SH3PXD2B: variants seen among roughly 807,000 people sequenced by gnomAD.
The protein encoded by SH3PXD2B is SH3 and PX domains 2B, also known as SH3 and PX domain-containing protein 2B.
A neutral mutation model predicts 73.1 loss-of-function variants in SH3PXD2B; 37 were observed. That is an observed-to-expected ratio of 0.51 (90% CI 0.39 to 0.67). The LOEUF (loss-of-function observed/expected upper bound fraction) is 0.67. Ranked by LOEUF, SH3PXD2B falls within the 30% of genes least tolerant of loss-of-function variation. The pLI, the probability that SH3PXD2B is intolerant of heterozygous loss-of-function variation, is 0.00. For missense variants in SH3PXD2B, 1,053 were observed against 1,197.8 expected (o/e 0.88, Z 1.78); for synonymous variants, 457 against 480.5 (o/e 0.95, Z 0.64).
At chr5:172,350,669 TGACAGGTCCCAGG>T (rs1226546486) in intron 9 of SH3PXD2B, 80 bp from the exon 10 acceptor site, 18 of 1,414,978 alleles carry the variant, frequency 1.3e-5, no homozygotes, top group Middle Eastern at 1.8e-4. Flanking sequence ...GGGAATCACA[TGACAGGTCCCAGG>T]GAGCAGGAAC....
rs759125971 is a variant in SH3PXD2B at position 172,339,602 on chromosome 5, G to T, written c.1503C>A (p.Asp501Glu). 5.0e-6 allele frequency: 8 copies of T among 1,614,120 alleles called. No individual in the cohort carries two copies. Among genetic ancestry groups the T allele is most frequent in the Non-Finnish European group, 6.8e-6 (8 of 1,180,048 alleles). Residue 501 changes from aspartate (D) to glutamate (E), a missense_variant, in exon 13 of 13, where the codon GAC becomes GAA. This residue lies in a region of SH3PXD2B where 587 missense variants were observed against 590.7 expected (regional missense o/e 0.99). Coordinates refer to ENST00000311601, the MANE Select transcript of SH3PXD2B (RefSeq NM_001017995.3). The surrounding 1 kb of genome is among the most constrained non-coding windows in gnomAD (Gnocchi z 6.1). ...CCTCGTAGCCTGCTGACGCAGACAT[G>T]TCTGAAGATGCCTTCCTCAGGACAT... ...SKDVLRKASS[D>E]MSASAGYEEI...
At chr5:172,425,501 T>C (rs567690019) in intron 1 of SH3PXD2B, among the ~76,000 whole-genome samples, 127 of 151,884 alleles carry the variant, frequency 8.4e-4, no homozygotes, top group African/African-American at 2.9e-3. Flanking sequence ...GGTCGAGAGC[T>C]GAGGAAAGGG....
In SH3PXD2B at chr5:172,337,815, G is replaced by A. The variant is rs969777280; in HGVS notation, c.*554C>T. On this transcript the variant is annotated 3_prime_UTR_variant, in exon 13 of 13. Transcript: ENST00000311601. ...AGGCCCACGGGCCTGAGGCTTTGGG[G>A]AAGGGGACACTTTCCCTGGAACTGG... 19 of 999,892 alleles carry A rather than the reference G, an allele frequency of 1.9e-5. No individual in the cohort carries two copies. In the African/African-American group the frequency reaches 3.3e-4, roughly 17 times the overall value. 61.9% of individuals were successfully genotyped at this position (999,892 alleles called of 1,614,324 possible). A position where few individuals can be genotyped will look rare whatever the true frequency, so the allele number is the denominator to read the frequency against.
chr5:172,366,840 G>C (rs1318268625), intron 6 of SH3PXD2B, among the ~76,000 whole-genome samples: 1 of 151,352 alleles, frequency 6.6e-6, no homozygotes. Flanking sequence ...CACCATGTTG[G>C]CAAGGGTGGT....
At position 172,406,270 on chromosome 5, in the gene SH3PXD2B, C is replaced by A. The variant is rs1758554699; in HGVS notation, c.232+7G>T. ...TGTCCCAGTCTGAGAGCACCCATCT[C>A]ACCTACCTGGCAGAAAGGGGATGAT... On this transcript the variant is annotated splice_region_variant and intron_variant, in intron 3 of 12. Transcript: ENST00000311601. 5.0e-6 allele frequency: 8 copies of A among 1,613,978 alleles called. No individual in the cohort carries two copies. Among genetic ancestry groups the A allele is most frequent in the Non-Finnish European group, 6.8e-6 (8 of 1,179,918 alleles).
chr5:172,353,984 T>A lies in SH3PXD2B; in HGVS notation c.689A>T (p.Tyr230Phe). ...ATCCTGGTCCCGAGCTGTGTACGGG[T>A]AGATGACTGTGTACTTCTCCTCTGT... is the stretch of plus-strand genomic sequence containing the variant. ...PEEEEKYTVI[Y>F]PYTARDQDEM... The change falls in exon 9 of 13, where the codon TAC becomes TTC. Residue 230 changes from tyrosine to phenylalanine, a missense_variant. Around this residue, in one of 2 missense-constraint regions of SH3PXD2B, gnomAD observed 466 missense variants for 607.1 expected, o/e 0.77. Coordinates refer to ENST00000311601, the MANE Select transcript of SH3PXD2B (RefSeq NM_001017995.3). This position sits in a 1 kb window ranked among gnomAD's most constrained non-coding sequence, Gnocchi z 4.3. 1 of 1,614,002 alleles carries A rather than the reference T, an allele frequency of 6.2e-7. No homozygotes were observed. The highest frequency in any genetic ancestry group is 1.1e-5 in the South Asian group (1 of 91,072).
rs558832958 is a variant in SH3PXD2B, at chr5:172,445,229, T to C, written c.75+9049A>G. ...GAGGTCTCAATCCCTGCTTTGTCTA[T>C]CCACATGTCATCTCTGTCGCCCAGG... On this transcript the variant is annotated intron_variant, in intron 1 of 12. Transcript: ENST00000311601. The surrounding 1 kb of genome is among the most constrained non-coding windows in gnomAD (Gnocchi z 5.2). Among the ~76,000 whole-genome samples the C allele has an allele frequency of 5.3e-5, 8 of 152,326 alleles. No individual in the cohort carries two copies. In the South Asian group the frequency reaches 1.2e-3, roughly 24 times the overall value.
chr5:172,406,251 A>G (rs754616312), intron 3 of SH3PXD2B, 26 bp downstream of exon 3: 1 of 1,612,952 alleles, frequency 6.2e-7, no homozygotes. Flanking sequence ...CCAGTGTCCC[A>G]GTCTGAGAGC....
chr5:172,434,050 C>T (rs921184071), intron 1 of SH3PXD2B, among the ~76,000 whole-genome samples: 9 of 151,832 alleles, frequency 5.9e-5, no homozygotes, highest in Non-Finnish European at 1.2e-4. Context: ...TGCTAACAAT[C>T]AATAGCAGAG....
At chr5:172,340,757 G>A (rs1177728928) in intron 12 of SH3PXD2B, among the ~76,000 whole-genome samples, 1 of 152,156 alleles carries the variant, frequency 6.6e-6, no homozygotes, top group African/African-American at 2.4e-5. Context: ...ACCACACCTG[G>A]CTAATTTTTG....
chr5:172,390,566 C>A (rs138623476), intron 4 of SH3PXD2B, among the ~76,000 whole-genome samples: 266 of 152,098 alleles, frequency 1.7e-3, no homozygotes, highest in African/African-American at 6.1e-3. Flanking sequence ...CCTTTTATTG[C>A]CAAATAAAAA....
chr5:172,367,198 A>G (rs1056962602), intron 6 of SH3PXD2B, among the ~76,000 whole-genome samples: 2 of 152,102 alleles, frequency 1.3e-5, no homozygotes, highest in African/African-American at 4.8e-5. Context: ...TCGGCCTCCC[A>G]AAGTGCTGGG....
chr5:172,373,069 T>A (rs1757741083), intron 6 of SH3PXD2B, among the ~76,000 whole-genome samples: 1 of 152,230 alleles, frequency 6.6e-6, no homozygotes, highest in Admixed American at 6.5e-5. Context: ...AGTTGTGTCA[T>A]CCAGGAAATG....
intron 5 of SH3PXD2B, among the ~76,000 whole-genome samples, chr5:172,374,285 C>A (rs1366741042): frequency 6.6e-6 from 1 of 152,174 alleles, no homozygotes; most frequent in Non-Finnish European, 1.5e-5. Flanking sequence ...GAACACAGTG[C>A]ACCTCCCAAG....
rs893420896 is a variant in SH3PXD2B at position 172,443,733 on chromosome 5, T to C, written c.75+10545A>G. On this transcript the variant is annotated intron_variant, in intron 1 of 12. Transcript: ENST00000311601. Reference sequence around the variant, plus strand: ...CACACCTTGGCTGAGGAGGAGGAAATGGTGACGCCAACGCGTGGGTTCTAG... The same window carrying C: ...CACACCTTGGCTGAGGAGGAGGAAACGGTGACGCCAACGCGTGGGTTCTAG... Among the ~76,000 whole-genome samples the C allele has an allele frequency of 7.5e-4, 114 of 152,150 alleles. 1 individual carries two copies. Among genetic ancestry groups the C allele is most frequent in the Non-Finnish European group, 1.9e-4 (13 of 68,028 alleles).
At chr5:172,350,156 G>A (rs183516523) in intron 10 of SH3PXD2B, among the ~76,000 whole-genome samples, 1 of 152,266 alleles carries the variant, frequency 6.6e-6, no homozygotes, top group Non-Finnish European at 1.5e-5. Flanking sequence ...TGCCCGGCCA[G>A]CAATGCCTCT....
chr5:172,416,204 T>C (rs150463051), intron 2 of SH3PXD2B, among the ~76,000 whole-genome samples: 1,611 of 152,240 alleles, frequency 0.011, 39 homozygotes, highest in African/African-American at 0.037. Context: ...GGCACACACC[T>C]GTAGTCTCAG....
rs762466156 is a variant in SH3PXD2B at position 172,339,494 on chromosome 5, C to T, written c.1611G>A (p.Leu537=). ...ESIIKSEGEL[L]ERERERQRTE... ...TCCTCTGCCGCTCCCGCTCCCGCTC[C>T]AGCAGCTCCCCCTCCGACTTGATGA... The change falls in exon 13 of 13, where the codon CTG becomes CTA. Residue 537 remains leucine (L), a synonymous_variant. Coordinates refer to ENST00000311601, the MANE Select transcript of SH3PXD2B (RefSeq NM_001017995.3). This position sits in a 1 kb window ranked among gnomAD's most constrained non-coding sequence, Gnocchi z 6.1. 1.2e-6 allele frequency: 2 copies of T among 1,613,954 alleles called. No homozygotes were observed. The highest frequency in any genetic ancestry group is 1.7e-6 in the Non-Finnish European group (2 of 1,179,894).
chr5:172,337,962 G>A lies in SH3PXD2B; in HGVS notation c.*407C>T, dbSNP rs138871981. The A allele has an allele frequency of 4.3e-5, 47 of 1,089,244 alleles. No homozygotes were observed. The highest frequency in any genetic ancestry group is 5.1e-5 in the Non-Finnish European group (46 of 894,574). The allele number at this position is 1,089,244 out of a possible 1,614,324, so 67.5% of individuals were successfully genotyped here. Reference sequence around the variant, plus strand: ...TTGGAGCAAAAGTCATCATGGACTGGGTTGGCTGCCCCTTACTGTGCCATG... The same window carrying A: ...TTGGAGCAAAAGTCATCATGGACTGAGTTGGCTGCCCCTTACTGTGCCATG... On this transcript the variant is annotated 3_prime_UTR_variant, in exon 13 of 13. Coordinates refer to ENST00000311601, the MANE Select transcript of SH3PXD2B (RefSeq NM_001017995.3).
Sources: gnomAD v4.1 joint callset for allele counts (sites outside exome capture counted in the v4.1 genomes callset) on GRCh38, gnomAD v4.1.1 for gene constraint, gnomAD v4.1.1 regional missense constraint, Gnocchi (gnomAD v3.1) non-coding constraint, MANE v1.5 for transcripts, NCBI Gene and HGNC (gene_info 2026-07-23, HGNC 2026-07-21) for gene names.